STRA8: variants seen among roughly 807,000 people sequenced by gnomAD.
STRA8 encodes stimulated by retinoic acid 8.
Under a neutral mutation model 37.1 loss-of-function variants are expected in STRA8, and 18 were observed. The observed-to-expected ratio is 0.48, with a 90% CI of 0.34 to 0.72. The LOEUF (loss-of-function observed/expected upper bound fraction) is 0.72. Ranked by LOEUF, STRA8 falls within the 30% of genes least tolerant of loss-of-function variation. The pLI, the probability that STRA8 is intolerant of heterozygous loss-of-function variation, is 0.01. For synonymous variants in STRA8, 168 were observed against 162.9 expected (o/e 1.03, Z -0.24); for missense variants, 357 against 410.4 (o/e 0.87, Z 1.13).
At chr7:135,248,946 G>A (rs570181627) in intron 6 of STRA8, among the ~76,000 whole-genome samples, 2 of 152,042 alleles carry the variant, frequency 1.3e-5, no homozygotes, top group African/African-American at 2.4e-5. Flanking sequence ...GAAGACATGC[G>A]TTCTGTTCCA....
intron 6 of STRA8, among the ~76,000 whole-genome samples, chr7:135,249,356 G>A (rs1832607597): frequency 4.6e-5 from 7 of 152,152 alleles, no homozygotes; most frequent in Admixed American, 4.6e-4. Context: ...GGCCAAGGTG[G>A]GTGGATCATC....
chr7:135,253,060 G>A (rs968859355), intron 7 of STRA8, among the ~76,000 whole-genome samples: 6 of 152,028 alleles, frequency 3.9e-5, no homozygotes, highest in South Asian at 2.1e-4. Context: ...TCAGCCTGCC[G>A]AGTGGCTGGG....
At chr7:135,240,906 A>G (rs1245239292) in intron 2 of STRA8, among the ~76,000 whole-genome samples, 190 bp downstream of exon 2, 1 of 152,194 alleles carries the variant, frequency 6.6e-6, no homozygotes, top group Non-Finnish European at 1.5e-5. Flanking sequence ...AAGCCTGTGA[A>G]GTCCAAGACA....
chr7:135,239,130 T>C (rs1832422050), intron 1 of STRA8, among the ~76,000 whole-genome samples: 1 of 152,230 alleles, frequency 6.6e-6, no homozygotes, highest in Admixed American at 6.5e-5. Context: ...TACCATCTCA[T>C]TGGCCTATTT....
At chr7:135,255,619 T>A (rs924902681) in intron 8 of STRA8, among the ~76,000 whole-genome samples, 10 of 152,226 alleles carry the variant, frequency 6.6e-5, no homozygotes, top group African/African-American at 1.9e-4. Flanking sequence ...GACCCTATTA[T>A]GAACTGCTCA....
chr7:135,249,275 G>A (rs1432781316), intron 6 of STRA8, among the ~76,000 whole-genome samples: 2 of 152,144 alleles, frequency 1.3e-5, no homozygotes, highest in African/African-American at 4.8e-5. Flanking sequence ...TTTTCCATAT[G>A]AAAAAATATA....
intron 1 of STRA8, among the ~76,000 whole-genome samples, chr7:135,238,709 C>CAA (rs796786656): frequency 1.3e-5 from 2 of 151,842 alleles, no homozygotes; most frequent in African/African-American, 4.8e-5. Flanking sequence ...AAACAAAAAA[C>CAA]AAAAAAAACC....
intron 8 of STRA8, among the ~76,000 whole-genome samples, chr7:135,255,699 T>C (rs1278564505): frequency 1.3e-5 from 2 of 151,918 alleles, no homozygotes. Flanking sequence ...GGTGGAAGAG[T>C]TTCATCCTGA....
chr7:135,237,178 G>A (rs1832389915), intron 1 of STRA8, among the ~76,000 whole-genome samples: 1 of 152,148 alleles, frequency 6.6e-6, no homozygotes, highest in Non-Finnish European at 1.5e-5. Flanking sequence ...TGGTGAGCAG[G>A]GGAGCAAACC....
intron 2 of STRA8, among the ~76,000 whole-genome samples, chr7:135,241,881 C>T (rs1030207575): frequency 6.6e-6 from 1 of 152,080 alleles, no homozygotes; most frequent in African/African-American, 2.4e-5. Context: ...ATGCATGCAG[C>T]CCCTGACAGA....
chr7:135,242,584 C>G (rs931751409), intron 2 of STRA8, among the ~76,000 whole-genome samples, 197 bp from the exon 3 acceptor site: 3 of 152,238 alleles, frequency 2.0e-5, no homozygotes, highest in Non-Finnish European at 4.4e-5. Context: ...TGAGAACCCA[C>G]TTCTAGGCTA....
intron 1 of STRA8, among the ~76,000 whole-genome samples, 185 bp downstream of exon 1, chr7:135,234,088 G>GATT (rs1491416343): frequency 1.4e-4 from 21 of 148,186 alleles, no homozygotes; most frequent in East Asian, 1.4e-3. Flanking sequence ...GGATGATGAT[G>GATT]ATGATGATGA....
Position 135,246,763 on chromosome 7 carries a change from G to C in STRA8, c.879+61G>C. On this transcript the variant is annotated intron_variant, in intron 6 of 8. Transcript: ENST00000662584. The surrounding 1 kb of genome is among the most constrained non-coding windows in gnomAD (Gnocchi z 5.4). ...CGGGAACCACCCTCGCCCTCGCCTG[G>C]GGACACCAGGGCTTTGCATTTAGCA... is the stretch of plus-strand genomic sequence containing the variant. 1 of 1,451,542 alleles carries C rather than the reference G, an allele frequency of 6.9e-7. No individual in the cohort carries two copies. 89.9% of individuals were successfully genotyped at this position (1,451,542 alleles called of 1,614,324 possible).
chr7:135,239,725 G>A (rs1384826102), intron 1 of STRA8, among the ~76,000 whole-genome samples: 1 of 152,140 alleles, frequency 6.6e-6, no homozygotes, highest in Non-Finnish European at 1.5e-5. Context: ...CCTCTCCTAG[G>A]GAAGGGCTTC....
intron 7 of STRA8, among the ~76,000 whole-genome samples, 157 bp downstream of exon 7, chr7:135,252,026 G>GTT (rs1433099987): frequency 6.6e-6 from 1 of 151,572 alleles, no homozygotes; most frequent in Non-Finnish European, 1.5e-5. Context: ...GTGTGTGTGT[G>GTT]TGTGTGTGTG....
In STRA8 at chr7:135,240,515, A is replaced by C; in HGVS notation, c.-6-4A>C. On this transcript the variant is annotated splice_polypyrimidine_tract_variant and splice_region_variant and intron_variant, in intron 1 of 8. Transcript: ENST00000662584. ...AAAAAAAAAAGCATACTATTACATT[A>C]CAGCTTATAATGGCAACCCCTGAAG... 1 of 1,612,508 alleles carries C rather than the reference A, an allele frequency of 6.2e-7. No homozygotes were observed. Among genetic ancestry groups the C allele is most frequent in the Non-Finnish European group, 8.5e-7 (1 of 1,179,446 alleles).
chr7:135,254,233 T>C (rs1055087303), intron 7 of STRA8, among the ~76,000 whole-genome samples: 1 of 151,398 alleles, frequency 6.6e-6, no homozygotes, highest in African/African-American at 2.4e-5. Context: ...TGCCAGGCAA[T>C]ATTCAGAACT....
chr7:135,258,304 A>T (rs896289574), intron 8 of STRA8, 114 bp from the exon 9 acceptor site: 5 of 778,486 alleles, frequency 6.4e-6, no homozygotes, highest in Non-Finnish European at 1.0e-5. Flanking sequence ...AGCGGAAGAG[A>T]CGTAGGATAG....
At chr7:135,250,253 T>C (rs1330294932) in intron 6 of STRA8, among the ~76,000 whole-genome samples, 2 of 152,104 alleles carry the variant, frequency 1.3e-5, no homozygotes, top group East Asian at 3.9e-4. Flanking sequence ...TCAGGCTGGC[T>C]TGTGAGGGGG....
Sources: allele counts gnomAD v4.1 joint callset (sites outside exome capture counted in the v4.1 genomes callset), GRCh38; gene constraint gnomAD v4.1.1; non-coding constraint Gnocchi (gnomAD v3.1); transcripts MANE v1.5; gene names NCBI Gene and HGNC (gene_info 2026-07-23, HGNC 2026-07-21).